The following MAPDA variants were observed in gnomAD, a reference collection of about 807,000 sequenced individuals.
MAPDA encodes the protein N6-Methyl-AMP deaminase.
the MAPDA span, chr15:43,346,088 C>A: frequency 6.9e-7 from 1 of 1,447,378 alleles, no homozygotes; most frequent in Non-Finnish European, 9.5e-7. Flanking sequence ...CCAACAGACA[C>A]TCCATTCTGT....
the MAPDA span, among the ~76,000 whole-genome samples, chr15:43,332,831 A>G: frequency 1.3e-5 from 2 of 152,134 alleles, no homozygotes; most frequent in Non-Finnish European, 2.9e-5. Context: ...CTGCTCTAAT[A>G]TTGATGAAGT....
chr15:43,346,262 A>G, the MAPDA span, among the ~76,000 whole-genome samples: 30 of 152,350 alleles, frequency 2.0e-4, no homozygotes, highest in South Asian at 6.0e-3. Flanking sequence ...GTCCCAGACT[A>G]TATGCACTAT....
At chr15:43,351,660 T>C in the MAPDA span, 43 of 1,266,302 alleles carry the variant, frequency 3.4e-5, no homozygotes, top group Non-Finnish European at 4.6e-5. Flanking sequence ...AGAAGCATAG[T>C]AAATAGGAAA....
At chr15:43,345,878 A>T in the MAPDA span, 1 of 1,614,198 alleles carries the variant, frequency 6.2e-7, no homozygotes, top group South Asian at 1.1e-5. Flanking sequence ...TTGACAGAAG[A>T]GGTGGCCCTT....
chr15:43,350,487 A>C, the MAPDA span, among the ~76,000 whole-genome samples: 1 of 152,116 alleles, frequency 6.6e-6, no homozygotes, highest in Non-Finnish European at 1.5e-5. Context: ...GCCATGGCAA[A>C]GTCTCTGCTC....
the MAPDA span, among the ~76,000 whole-genome samples, chr15:43,344,350 G>A: frequency 6.6e-6 from 1 of 151,802 alleles, no homozygotes; most frequent in Admixed American, 6.6e-5. Context: ...TATTTTAATG[G>A]CATGGGAAGT....
the MAPDA span, chr15:43,351,185 G>A: frequency 1.2e-5 from 9 of 727,910 alleles, no homozygotes; most frequent in South Asian, 1.1e-4. Flanking sequence ...GTGTGGCTGA[G>A]TATGGTGGCG....
the MAPDA span, chr15:43,332,497 T>G: frequency 1.3e-4 from 20 of 152,348 alleles, no homozygotes; most frequent in African/African-American, 4.8e-4. Flanking sequence ...CTACTTGTTT[T>G]GCAAAGACCA....
chr15:43,346,085 A>G, the MAPDA span: 4 of 1,464,000 alleles, frequency 2.7e-6, no homozygotes, highest in Non-Finnish European at 2.8e-6. Context: ...TGTCCAACAG[A>G]CACTCCATTC....
the MAPDA span, chr15:43,348,988 G>A: frequency 4.0e-4 from 639 of 1,614,134 alleles, 1 homozygote; most frequent in African/African-American, 5.3e-3. Flanking sequence ...TCTCAACTCC[G>A]GTGAGGGAGG....
chr15:43,350,051 T>G, the MAPDA span, among the ~76,000 whole-genome samples: 1 of 152,076 alleles, frequency 6.6e-6, no homozygotes, highest in Admixed American at 6.5e-5. Flanking sequence ...GGAAGGAATT[T>G]GTTAATAATA....
chr15:43,336,826 A>G, the MAPDA span: 1 of 585,816 alleles, frequency 1.7e-6, no homozygotes, highest in African/African-American at 2.0e-5. Context: ...TTCAAAACCT[A>G]TGTAAGTCAT....
the MAPDA span, chr15:43,340,351 T>A: frequency 6.2e-7 from 1 of 1,612,316 alleles, no homozygotes; most frequent in Non-Finnish European, 8.5e-7. Flanking sequence ...AAAATGCTAC[T>A]GGTAGAATTT....
At chr15:43,342,300 G>C in the MAPDA span, among the ~76,000 whole-genome samples, 1 of 152,072 alleles carries the variant, frequency 6.6e-6, no homozygotes, top group Non-Finnish European at 1.5e-5. Flanking sequence ...TGCTCTTGCA[G>C]ATCCCCTCAG....
the MAPDA span, chr15:43,336,709 G>T: frequency 6.6e-7 from 1 of 1,510,488 alleles, no homozygotes; most frequent in South Asian, 1.3e-5. Flanking sequence ...GGAATTTTTA[G>T]AATGGTTTAA....
the MAPDA span, chr15:43,351,037 T>C: frequency 1.9e-6 from 3 of 1,551,282 alleles, no homozygotes; most frequent in South Asian, 3.6e-5. Context: ...CCTTCTGTGA[T>C]CTGTGTAAGG....
At chr15:43,342,351 C>G in the MAPDA span, among the ~76,000 whole-genome samples, 1 of 151,400 alleles carries the variant, frequency 6.6e-6, no homozygotes, top group Non-Finnish European at 1.5e-5. Flanking sequence ...GCCTGGTTCC[C>G]TGGATGAGAA....
chr15:43,333,422 A>G, the MAPDA span: 6 of 108,726 alleles, frequency 5.5e-5, no homozygotes, highest in East Asian at 1.6e-3. Context: ...TCTCAAAAGA[A>G]AAAAAAAAAA....
chr15:43,353,364 TC>T, the MAPDA span: 1 of 152,210 alleles, frequency 6.6e-6, no homozygotes, highest in Non-Finnish European at 1.5e-5. Flanking sequence ...TGTGTGTTTT[TC>T]CCTGGTATCA....
Sources: allele counts gnomAD v4.1 joint callset (sites outside exome capture counted in the v4.1 genomes callset), GRCh38; gene constraint gnomAD v4.1.1; transcripts MANE v1.5; gene names NCBI Gene and HGNC (gene_info 2026-07-23, HGNC 2026-07-21).